NHERF1: variants seen among roughly 807,000 people sequenced by gnomAD.
NHERF1 encodes Na(+)/H(+) exchange regulatory cofactor NHE-RF1.
At chr17:74,755,956 G>GTTT in the NHERF1 span, among the ~76,000 whole-genome samples, 1 of 141,600 alleles carries the variant, frequency 7.1e-6, no homozygotes, top group African/African-American at 2.6e-5. Context: ...TATTTTTCCT[G>GTTT]TTTTTTTTTT....
chr17:74,753,481 ATTGT>A, the NHERF1 span, among the ~76,000 whole-genome samples: 8 of 152,208 alleles, frequency 5.3e-5, no homozygotes, highest in African/African-American at 1.4e-4. Flanking sequence ...AGGGTATGTG[ATTGT>A]TTGTGTGTTG....
the NHERF1 span, among the ~76,000 whole-genome samples, chr17:74,762,541 T>G: frequency 6.7e-6 from 1 of 150,312 alleles, no homozygotes; most frequent in Non-Finnish European, 1.5e-5. This position sits in a 1 kb window ranked among gnomAD's most constrained non-coding sequence, Gnocchi z 4.2. Flanking sequence ...CTCTCCTGAG[T>G]TAGGCCTTTA....
chr17:74,749,343 G>A, the NHERF1 span: 2 of 1,441,360 alleles, frequency 1.4e-6, no homozygotes, highest in Non-Finnish European at 9.2e-7. This position sits in a 1 kb window ranked among gnomAD's most constrained non-coding sequence, Gnocchi z 5.6. Context: ...GATCCGGAGA[G>A]ACCCAGGTGC....
the NHERF1 span, chr17:74,748,667 T>C: frequency 3.4e-6 from 2 of 592,738 alleles, no homozygotes; most frequent in Admixed American, 3.1e-5. The surrounding 1 kb of genome is among the most constrained non-coding windows in gnomAD (Gnocchi z 4.3). Context: ...TGGTCCTCTC[T>C]CGGCTCCTCG....
At chr17:74,768,318 G>A in the NHERF1 span, 1 of 1,381,294 alleles carries the variant, frequency 7.2e-7, no homozygotes, top group Non-Finnish European at 1.0e-6. Flanking sequence ...ACACCAGCCT[G>A]CCTTTGAGGT....
At chr17:74,764,307 C>G in the NHERF1 span, among the ~76,000 whole-genome samples, 1 of 152,192 alleles carries the variant, frequency 6.6e-6, no homozygotes, top group African/African-American at 2.4e-5. The surrounding 1 kb of genome is among the most constrained non-coding windows in gnomAD (Gnocchi z 4.9). Flanking sequence ...ACACAAAGGT[C>G]CTGCGACTCC....
the NHERF1 span, among the ~76,000 whole-genome samples, chr17:74,759,333 C>T: frequency 1.3e-5 from 2 of 152,272 alleles, no homozygotes; most frequent in Non-Finnish European, 2.9e-5. Context: ...CGACTTGGTG[C>T]TGGCAGAGCG....
At chr17:74,765,412 A>G in the NHERF1 span, among the ~76,000 whole-genome samples, 1 of 151,750 alleles carries the variant, frequency 6.6e-6, no homozygotes, top group Non-Finnish European at 1.5e-5. Flanking sequence ...GCCATGCGCC[A>G]CCACGCCCAG....
the NHERF1 span, among the ~76,000 whole-genome samples, chr17:74,751,701 G>A: frequency 7.9e-5 from 12 of 152,180 alleles, no homozygotes; most frequent in Admixed American, 2.6e-4. The surrounding 1 kb of genome is among the most constrained non-coding windows in gnomAD (Gnocchi z 4.3). Flanking sequence ...AGCAAGACCC[G>A]CCCTGCTGTT....
At chr17:74,753,996 T>A in the NHERF1 span, among the ~76,000 whole-genome samples, 1 of 152,032 alleles carries the variant, frequency 6.6e-6, no homozygotes. Context: ...AAAACCCATC[T>A]CTACTAAAAA....
chr17:74,752,686 G>A, the NHERF1 span, among the ~76,000 whole-genome samples: 1 of 152,298 alleles, frequency 6.6e-6, no homozygotes, highest in Non-Finnish European at 1.5e-5. Context: ...TAGAGATGGA[G>A]TTTCACCGTG....
chr17:74,768,865 C>G, the NHERF1 span: 4 of 584,454 alleles, frequency 6.8e-6, no homozygotes, highest in Admixed American at 6.1e-5. Flanking sequence ...AAAGGAGACT[C>G]TGCCTCCCTC....
chr17:74,760,207 G>A, the NHERF1 span, among the ~76,000 whole-genome samples: 1 of 152,126 alleles, frequency 6.6e-6, no homozygotes, highest in East Asian at 1.9e-4. The surrounding 1 kb of genome is among the most constrained non-coding windows in gnomAD (Gnocchi z 4.5). Context: ...GATCCCACAG[G>A]GCTGTGGGAG....
the NHERF1 span, among the ~76,000 whole-genome samples, chr17:74,764,097 A>C: frequency 0.011 from 1,648 of 152,262 alleles, 45 homozygotes; most frequent in African/African-American, 0.037. The surrounding 1 kb of genome is among the most constrained non-coding windows in gnomAD (Gnocchi z 4.9). Flanking sequence ...GGCCCGAGCC[A>C]AACAGGGCAG....
the NHERF1 span, chr17:74,768,622 G>GAA: frequency 6.2e-7 from 1 of 1,614,116 alleles, no homozygotes; most frequent in Non-Finnish European, 8.5e-7. Flanking sequence ...CAGATGGACT[G>GAA]GAGCAAGAAA....
At chr17:74,768,296 C>A in the NHERF1 span, 1 of 1,422,796 alleles carries the variant, frequency 7.0e-7, no homozygotes, top group Non-Finnish European at 9.9e-7. Flanking sequence ...CCAGGCCCCA[C>A]TTGTTCCTGG....
At chr17:74,751,300 A>C in the NHERF1 span, among the ~76,000 whole-genome samples, 1 of 152,232 alleles carries the variant, frequency 6.6e-6, no homozygotes, top group Non-Finnish European at 1.5e-5. This position sits in a 1 kb window ranked among gnomAD's most constrained non-coding sequence, Gnocchi z 4.3. Context: ...TGTGGTTATT[A>C]GAAAAAATGT....
At chr17:74,768,705 CCCA>C in the NHERF1 span, 1 of 1,561,962 alleles carries the variant, frequency 6.4e-7, no homozygotes, top group East Asian at 2.2e-5. Context: ...AGCATTCCAC[CCCA>C]CCTTTTTCCT....
At chr17:74,763,855 G>A in the NHERF1 span, among the ~76,000 whole-genome samples, 1 of 152,250 alleles carries the variant, frequency 6.6e-6, no homozygotes, top group African/African-American at 2.4e-5. Context: ...CAGACTTTCA[G>A]GGCAGTGTCA....
Sources: gnomAD v4.1 joint callset for allele counts (sites outside exome capture counted in the v4.1 genomes callset) on GRCh38, gnomAD v4.1.1 for gene constraint, Gnocchi (gnomAD v3.1) non-coding constraint, MANE v1.5 for transcripts, NCBI Gene and HGNC (gene_info 2026-07-23, HGNC 2026-07-21) for gene names.